The following ANK1 variants were observed in gnomAD, a reference collection of about 807,000 sequenced individuals.
The protein encoded by ANK1 is ankyrin 1, also known as ankyrin-1.
Under a neutral mutation model 210.4 loss-of-function variants are expected in ANK1, and 51 were observed. That is an observed-to-expected ratio of 0.24 (90% confidence interval 0.19 to 0.31). The LOEUF is 0.31. ANK1 is among the 10% of genes least tolerant of loss of function. The pLI is 1.00. For missense variants in ANK1, 2,051 were observed against 2,504.4 expected (o/e 0.82, Z 3.86); for synonymous variants, 967 against 1,025.9 (o/e 0.94, Z 1.10).
At chr8:41,702,201 G>C in intron 20 of ANK1, 57 bp from the exon 21 acceptor site, 2 of 1,444,920 alleles carry the variant, frequency 1.4e-6, no homozygotes, top group Non-Finnish European at 1.9e-6. Context: ...AGGAGGCGGG[G>C]CTGGCTCCCT....
intron 1 of ANK1, among the ~76,000 whole-genome samples, chr8:41,777,539 C>A (rs1238529386): frequency 1.3e-5 from 2 of 152,114 alleles, no homozygotes; most frequent in Admixed American, 6.5e-5. Context: ...CACGGCACTG[C>A]ACTCCAGCCT....
intron 16 of ANK1, 93 bp from the exon 17 acceptor site, chr8:41,709,068 G>A (rs1202277013): frequency 2.4e-5 from 35 of 1,464,654 alleles, no homozygotes; most frequent in East Asian, 4.7e-5. Flanking sequence ...GTTCTTGGCC[G>A]GCTGGACACC....
intron 2 of ANK1, among the ~76,000 whole-genome samples, chr8:41,746,759 G>C (rs1199171447): frequency 3.9e-5 from 6 of 151,988 alleles, no homozygotes; most frequent in Admixed American, 3.9e-4. Flanking sequence ...GGAGGAGGAA[G>C]TGTGAGCTCG....
intron 6 of ANK1, 32 bp downstream of exon 6, chr8:41,725,729 G>A (rs1411355516): frequency 2.5e-6 from 4 of 1,596,162 alleles, no homozygotes; most frequent in South Asian, 2.2e-5. Context: ...GGCGTCCGCG[G>A]CCCAAGGCTC....
Position 41,723,710 on chromosome 8 carries a change from T to A in ANK1, c.712-77A>T, listed in dbSNP as rs565218587. 2.3e-5 allele frequency: 31 copies of A among 1,320,456 alleles called. No individual in the cohort carries two copies. The East Asian group carries it at 6.5e-4, about 27-fold the overall frequency. 81.8% of individuals were successfully genotyped at this position (1,320,456 alleles called of 1,614,324 possible). A position where few individuals can be genotyped will look rare whatever the true frequency, so the allele number is the denominator to read the frequency against. ...AGCTGCTGTGCACCCGCTCCCCTTG[T>A]CCCCAGCCCCCAGTCCCCAGGCCTG... On this transcript the variant is annotated intron_variant, in intron 7 of 42. Coordinates refer to ENST00000289734, the MANE Select transcript of ANK1 (RefSeq NM_000037.4).
Position 41,655,588 on chromosome 8 carries a change from A to G in ANK1, c.*202T>C, listed in dbSNP as rs1314154254. On this transcript the variant is annotated 3_prime_UTR_variant, in exon 43 of 43. Coordinates refer to ENST00000289734, the MANE Select transcript of ANK1 (RefSeq NM_000037.4). ...TGAAGCCTGGAGGTCATGCGTCTACAGTCAGTCATTCATGCCAAGAGGGGA... is the reference window on the plus strand; with the variant it reads ...TGAAGCCTGGAGGTCATGCGTCTACGGTCAGTCATTCATGCCAAGAGGGGA... 1 of 1,017,860 alleles carries G rather than the reference A, an allele frequency of 9.8e-7. No homozygotes were observed. The highest frequency in any genetic ancestry group is 2.5e-5 in the East Asian group (1 of 39,988). The allele number at this position is 1,017,860 out of a possible 1,614,324, so 63.1% of individuals were successfully genotyped here. A position where few individuals can be genotyped will look rare whatever the true frequency, so the allele number is the denominator to read the frequency against.
intron 31 of ANK1, among the ~76,000 whole-genome samples, chr8:41,691,587 G>T (rs916161773): frequency 6.6e-6 from 1 of 152,108 alleles, no homozygotes; most frequent in African/African-American, 2.4e-5. Flanking sequence ...TTCAGACCTA[G>T]CCCCCATGCC....
intron 1 of ANK1, among the ~76,000 whole-genome samples, chr8:41,795,843 A>G (rs1848636087): frequency 6.6e-6 from 1 of 152,188 alleles, no homozygotes; most frequent in African/African-American, 2.4e-5. Context: ...GTTTGATAGC[A>G]GCTTAGGGTG....
At chr8:41,796,340 G>A (rs1587008200) in intron 1 of ANK1, among the ~76,000 whole-genome samples, 1 of 152,108 alleles carries the variant, frequency 6.6e-6, no homozygotes, top group African/African-American at 2.4e-5. Context: ...TGAGTCTGAA[G>A]ACAGTTCACA....
At chr8:41,812,357 G>C (rs1254670853) in intron 1 of ANK1, among the ~76,000 whole-genome samples, 1 of 152,202 alleles carries the variant, frequency 6.6e-6, no homozygotes, top group Non-Finnish European at 1.5e-5. Flanking sequence ...AGAAGGGTCA[G>C]ATGTTTGAAG....
chr8:41,698,405 G>A (rs888416276), intron 23 of ANK1, among the ~76,000 whole-genome samples: 2 of 152,054 alleles, frequency 1.3e-5, no homozygotes, highest in Non-Finnish European at 2.9e-5. Flanking sequence ...TGTGCATTTC[G>A]ATCCCACCAA....
intron 1 of ANK1, among the ~76,000 whole-genome samples, chr8:41,780,211 G>T: frequency 6.6e-6 from 1 of 152,082 alleles, no homozygotes; most frequent in South Asian, 2.1e-4. Context: ...ACTTCTTTTA[G>T]AATTTTTTTT....
rs745509581 is a variant in ANK1, at chr8:41,718,119, T to G, written c.1193A>C (p.Asp398Ala). ...AGTCTCTCCTACCTCGGTGACCGCG[T>G]CGATCGAGGCTCCCGTCTTCAGCAG... ...ELLLKTGASI[D>A]AVTESGLTPL... The change falls in exon 11 of 43, where the codon GAC becomes GCC. Residue 398 changes from aspartate to alanine, a missense_variant. Asp to Ala is a moderately radical substitution (Grantham distance 126). Transcript: ENST00000289734. 2 of 1,613,932 alleles carry G rather than the reference T, an allele frequency of 1.2e-6. No homozygotes were observed. The highest frequency in any genetic ancestry group is 2.7e-5 in the African/African-American group (2 of 75,022).
At chr8:41,827,646 T>G (rs1306840795) in intron 1 of ANK1, among the ~76,000 whole-genome samples, 1 of 151,694 alleles carries the variant, frequency 6.6e-6, no homozygotes. Flanking sequence ...ACACACACAC[T>G]CGAATACCTA....
intron 37 of ANK1, among the ~76,000 whole-genome samples, chr8:41,684,140 G>C (rs1816959778): frequency 1.3e-5 from 2 of 152,312 alleles, no homozygotes; most frequent in South Asian, 4.1e-4. Flanking sequence ...TTTACAGATG[G>C]GGACACTGAC....
At chr8:41,737,929 C>T (rs1833840409) in intron 2 of ANK1, among the ~76,000 whole-genome samples, 1 of 152,240 alleles carries the variant, frequency 6.6e-6, no homozygotes, top group Admixed American at 6.5e-5. Flanking sequence ...AGAACCTCGT[C>T]TGTGTCTGGC....
intron 23 of ANK1, among the ~76,000 whole-genome samples, chr8:41,698,380 T>G (rs974285508): frequency 1.3e-5 from 2 of 152,246 alleles, no homozygotes; most frequent in Non-Finnish European, 2.9e-5. Flanking sequence ...TCTGTGTTGC[T>G]ACATGACCAC....
At chr8:41,849,016 C>T (rs1587404435) in intron 1 of ANK1, among the ~76,000 whole-genome samples, 1 of 152,350 alleles carries the variant, frequency 6.6e-6, no homozygotes, top group South Asian at 2.1e-4. Context: ...TTGAAGTTTC[C>T]ACCCTCCAGG....
At chr8:41,719,578 C>T in intron 10 of ANK1, 83 bp downstream of exon 10, 1 of 1,586,298 alleles carries the variant, frequency 6.3e-7, no homozygotes, top group Non-Finnish European at 8.6e-7. Context: ...GCCGCCCTTC[C>T]CACAGGCCCA....
Sources: gnomAD v4.1 joint callset for allele counts (sites outside exome capture counted in the v4.1 genomes callset) on GRCh38, gnomAD v4.1.1 for gene constraint, MANE v1.5 for transcripts, NCBI Gene and HGNC (gene_info 2026-07-23, HGNC 2026-07-21) for gene names.